Variants in PMEPA1 observed in about 807,000 individuals in gnomAD.
PMEPA1 encodes prostate transmembrane protein, androgen induced 1.
PMEPA1 carries 11 observed loss-of-function variants against 23.0 expected under a neutral mutation model. The observed-to-expected ratio is 0.48, with a 90% CI of 0.30 to 0.79. The LOEUF is 0.79. Among genes scored for constraint, PMEPA1 ranks in the 30% least tolerant of loss-of-function variants. PMEPA1 has a pLI of 0.06. For missense variants in PMEPA1, 377 were observed against 390.9 expected, an observed-to-expected ratio of 0.96 and a Z score of 0.30; for synonymous variants, 204 against 166.4, an observed-to-expected ratio of 1.23 and a Z score of -1.74.
chr20:57,698,817 A>C (rs2071975113), intron 1 of PMEPA1, among the ~76,000 whole-genome samples: 1 of 151,196 alleles, frequency 6.6e-6, no homozygotes, highest in Non-Finnish European at 1.5e-5. Context: ...ATATAGAGGC[A>C]CACACACACA....
In PMEPA1 at chr20:57,649,924, G is replaced by A. The variant is rs1040466557; in HGVS notation, c.*2129C>T. 1.3e-5 allele frequency: 2 copies of A among 152,620 alleles called. No homozygotes were observed. Among genetic ancestry groups the A allele is most frequent in the Admixed American group, 6.5e-5 (1 of 15,278 alleles). 9.5% of individuals were successfully genotyped at this position (152,620 alleles called of 1,614,324 possible). On this transcript the variant is annotated 3_prime_UTR_variant, in exon 4 of 4. Transcript: ENST00000341744. ...GACGCGTCACATAAAGGAAAGATACGTTTTAATCATCTTTACAAGTGCGTC... is the reference window on the plus strand; with the variant it reads ...GACGCGTCACATAAAGGAAAGATACATTTTAATCATCTTTACAAGTGCGTC...
At chr20:57,710,182 T>C, upstream of PMEPA1, 1 of 513,688 alleles carries the variant, frequency 1.9e-6, no homozygotes, top group African/African-American at 2.0e-5. Flanking sequence ...GCGGCCCACG[T>C]AGACCCGGCA....
Position 57,704,827 on chromosome 20 carries a change from C to T in PMEPA1, c.109+4647G>A, listed in dbSNP as rs555046726. On this transcript the variant is annotated intron_variant, in intron 1 of 3. Transcript: ENST00000341744. This position sits in a 1 kb window ranked among gnomAD's most constrained non-coding sequence, Gnocchi z 4.6. Reference sequence around the variant, plus strand: ...CCGTGGCTCTGGGGCAATTTGGTGGCGGGTGCATCTTGCAGCATGGAGGCT... The same window carrying T: ...CCGTGGCTCTGGGGCAATTTGGTGGTGGGTGCATCTTGCAGCATGGAGGCT... 7.2e-5 allele frequency among the ~76,000 whole-genome samples: 11 copies of T among 152,310 alleles called. No individual in the cohort carries two copies. The highest frequency in any genetic ancestry group is 4.1e-4 in the South Asian group (2 of 4,828).
At chr20:57,659,063 T>C (rs1012860572) in intron 2 of PMEPA1, among the ~76,000 whole-genome samples, 1 of 152,216 alleles carries the variant, frequency 6.6e-6, no homozygotes, top group African/African-American at 2.4e-5. Context: ...GGGGGTCAGC[T>C]TGCGCTGCTT....
chr20:57,657,165 A>C (rs575643710), intron 2 of PMEPA1, among the ~76,000 whole-genome samples: 1 of 151,896 alleles, frequency 6.6e-6, no homozygotes, highest in Admixed American at 6.5e-5. Context: ...GGTACGGTAC[A>C]CTCTCCACTA....
At chr20:57,695,229 C>T (rs750526554) in intron 1 of PMEPA1, among the ~76,000 whole-genome samples, 18 of 152,360 alleles carry the variant, frequency 1.2e-4, no homozygotes, top group Non-Finnish European at 2.5e-4. Context: ...GGCGGGCAGG[C>T]GGTGGCTCTG....
chr20:57,701,248 G>T (rs936138501), intron 1 of PMEPA1, among the ~76,000 whole-genome samples: 19 of 152,252 alleles, frequency 1.2e-4, no homozygotes, highest in African/African-American at 4.3e-4. Flanking sequence ...CGCCGAAGTT[G>T]AGTCACAATA....
In PMEPA1 at chr20:57,704,786, G is replaced by A. The variant is rs2072055593; in HGVS notation, c.109+4688C>T. Among the ~76,000 whole-genome samples the A allele has an allele frequency of 1.3e-5, 2 of 152,222 alleles. No individual in the cohort carries two copies. Among genetic ancestry groups the A allele is most frequent in the South Asian group, 4.1e-4 (2 of 4,832 alleles). ...GAGTGGAGATGGTGGGGGCAGGCAT[G>A]TGGGCACACCTGACCCCGTGGCTCT... On this transcript the variant is annotated intron_variant, in intron 1 of 3. Transcript: ENST00000341744. This position sits in a 1 kb window ranked among gnomAD's most constrained non-coding sequence, Gnocchi z 4.6.
chr20:57,692,889 C>T (rs1284823655), intron 1 of PMEPA1, among the ~76,000 whole-genome samples: 1 of 152,208 alleles, frequency 6.6e-6, no homozygotes, highest in Non-Finnish European at 1.5e-5. Flanking sequence ...GACTATTTTC[C>T]ATCTTTCACA....
chr20:57,691,071 A>G (rs191001594), intron 1 of PMEPA1, among the ~76,000 whole-genome samples: 1 of 152,074 alleles, frequency 6.6e-6, no homozygotes, highest in South Asian at 2.1e-4. Flanking sequence ...GCTGTTCTAC[A>G]GTCATTGGTT....
At chr20:57,691,695 C>T (rs1321408716) in intron 1 of PMEPA1, 2 of 152,198 alleles carry the variant, frequency 1.3e-5, no homozygotes, top group African/African-American at 2.4e-5. Flanking sequence ...AGGACCCTCA[C>T]CCTCACTCTC....
chr20:57,698,521 A>G (rs2071970796), intron 1 of PMEPA1, among the ~76,000 whole-genome samples: 1 of 152,236 alleles, frequency 6.6e-6, no homozygotes, highest in South Asian at 2.1e-4. Context: ...ACCAATTACA[A>G]AGTAGAAAGA....
At chr20:57,671,437 T>G (rs2071567300) in intron 1 of PMEPA1, among the ~76,000 whole-genome samples, 1 of 152,116 alleles carries the variant, frequency 6.6e-6, no homozygotes, top group Non-Finnish European at 1.5e-5. Flanking sequence ...CTGTCAACAT[T>G]ACACAAGCAC....
chr20:57,672,527 G>A (rs2071582767), intron 1 of PMEPA1, among the ~76,000 whole-genome samples: 3 of 152,250 alleles, frequency 2.0e-5, no homozygotes, highest in Non-Finnish European at 2.9e-5. Flanking sequence ...GATGCCCGCC[G>A]CGTGCTGGAG....
chr20:57,705,764 AGGGGG>A (rs2072074593), intron 1 of PMEPA1, among the ~76,000 whole-genome samples: 17 of 152,216 alleles, frequency 1.1e-4, no homozygotes, highest in Admixed American at 1.1e-3. Context: ...TGGTCTCAGT[AGGGGG>A]CATTTGACCA....
At chr20:57,699,115 G>A (rs2146708296) in intron 1 of PMEPA1, among the ~76,000 whole-genome samples, 1 of 152,314 alleles carries the variant, frequency 6.6e-6, no homozygotes, top group South Asian at 2.1e-4. Context: ...ACCCCACAGG[G>A]CTCGAACCGA....
intron 1 of PMEPA1, among the ~76,000 whole-genome samples, chr20:57,663,796 T>C (rs203379): frequency 0.43 from 65,644 of 151,996 alleles, 14,403 homozygotes; most frequent in East Asian, 0.53. Context: ...AGAGAGGTGC[T>C]CCAGCCAGCA....
chr20:57,689,930 G>T (rs2071853603), intron 1 of PMEPA1, among the ~76,000 whole-genome samples: 2 of 152,256 alleles, frequency 1.3e-5, no homozygotes, highest in Admixed American at 1.3e-4. Context: ...GGTCCCAGGG[G>T]CCAGTGGCTG....
chr20:57,677,289 G>A (rs1049348431), intron 1 of PMEPA1, among the ~76,000 whole-genome samples: 3 of 152,188 alleles, frequency 2.0e-5, no homozygotes, highest in Non-Finnish European at 4.4e-5. Context: ...CGTCTCATTG[G>A]GTTGTTTGAG....
Sources: gnomAD v4.1 joint callset for allele counts (sites outside exome capture counted in the v4.1 genomes callset) on GRCh38, gnomAD v4.1.1 for gene constraint, Gnocchi (gnomAD v3.1) non-coding constraint, MANE v1.5 for transcripts, NCBI Gene and HGNC (gene_info 2026-07-23, HGNC 2026-07-21) for gene names.